ZNF362: variants seen among roughly 807,000 people sequenced by gnomAD.
The protein encoded by ZNF362 is zinc finger protein 362.
Under a neutral mutation model 42.9 loss-of-function variants are expected in ZNF362, and 11 were observed. That is an observed-to-expected ratio of 0.26 (90% confidence interval 0.16 to 0.42). The LOEUF (loss-of-function observed/expected upper bound fraction) is 0.42. Among genes scored for constraint, ZNF362 ranks in the 20% least tolerant of loss-of-function variants. ZNF362 has a pLI of 1.00. For synonymous variants in ZNF362, 255 were observed against 257.3 expected (o/e 0.99, Z 0.09); for missense variants, 362 against 576.2 (o/e 0.63, Z 3.81).
chr1:33,252,081 G>A (rs192533674), upstream of ZNF362, among the ~76,000 whole-genome samples: 206 of 152,326 alleles, frequency 1.4e-3, 1 homozygote, highest in Non-Finnish European at 2.6e-3. Context: ...GGCTGGGCGT[G>A]GTGGCTCACG....
the ZNF362 span, among the ~76,000 whole-genome samples, chr1:33,186,517 A>C: frequency 6.6e-6 from 1 of 151,210 alleles, no homozygotes; most frequent in African/African-American, 2.4e-5. Flanking sequence ...ACATAAAACA[A>C]AGTTGTGGCT....
In ZNF362 at chr1:33,295,020, G is replaced by GTGCC. The variant is rs753994368; in HGVS notation, c.987+15_987+18dup. 2.5e-6 allele frequency: 4 copies of GTGCC among 1,614,090 alleles called. No homozygotes were observed. The South Asian group carries it at 4.4e-5, about 18-fold the overall frequency. On this transcript the variant is annotated splice_donor_region_variant and intron_variant, in intron 7 of 8. Coordinates refer to ENST00000539719, the MANE Select transcript of ZNF362 (RefSeq NM_152493.3). ...ACTCAGCTCTCCAACCTCCAGGTGA[G>GTGCC]TGCCTGCCTGCCTCCTGCCCACCAG...
the ZNF362 span, among the ~76,000 whole-genome samples, chr1:33,233,406 C>CTTT: frequency 2.1e-5 from 3 of 144,508 alleles, no homozygotes; most frequent in Non-Finnish European, 3.0e-5. Flanking sequence ...CCTTCTCACA[C>CTTT]TTTTTTTTTT....
the ZNF362 span, among the ~76,000 whole-genome samples, chr1:33,228,168 C>A: frequency 1.3e-5 from 2 of 152,146 alleles, no homozygotes. Flanking sequence ...GACCCCAAAT[C>A]TGTGTGTCCA....
the ZNF362 span, among the ~76,000 whole-genome samples, chr1:33,179,287 C>T: frequency 6.6e-6 from 1 of 152,198 alleles, no homozygotes; most frequent in East Asian, 1.9e-4. Context: ...CCTTCATCCT[C>T]AGACAGCTAG....
chr1:33,146,772 C>CCTCTT, the ZNF362 span: 1 of 257,862 alleles, frequency 3.9e-6, no homozygotes, highest in South Asian at 5.1e-5. Context: ...GGCCATGGGA[C>CCTCTT]ATAAGAGGGT....
At chr1:33,130,397 TTCTCTTGC>T in the ZNF362 span, among the ~76,000 whole-genome samples, 14 of 152,252 alleles carry the variant, frequency 9.2e-5, no homozygotes, top group Non-Finnish European at 1.5e-4. Context: ...TTTGGGCACC[TTCTCTTGC>T]TCTCTTGCTC....
chr1:33,276,535 A>T lies in ZNF362; in HGVS notation c.290A>T (p.Gln97Leu). ...KLQQVPGLHP[Q>L]AVPQPDVALH... is the part of the protein sequence containing the mutation. The stretch of plus-strand genomic sequence containing the variant: ...CAGCAGGTGCCGGGGCTGCATCCAC[A>T]GGCGGTGCCGCAGCCCGACGTGGCG... Residue 97 changes from glutamine to leucine, a missense_variant, in exon 4 of 9, where the codon CAG (glutamine) becomes CTG (leucine). Physicochemically the swap from Gln to Leu is moderately radical, Grantham distance 113. This residue lies in a region of ZNF362 where 266 missense variants were observed against 365.4 expected (regional missense o/e 0.73). Transcript: ENST00000539719. The T allele has an allele frequency of 6.6e-7, 1 of 1,521,846 alleles. No homozygotes were observed. The allele number at this position is 1,521,846 out of a possible 1,614,324, so 94.3% of individuals were successfully genotyped here.
intron 6 of ZNF362, among the ~76,000 whole-genome samples, chr1:33,289,435 G>A (rs976132129): frequency 6.6e-6 from 1 of 152,104 alleles, no homozygotes; most frequent in African/African-American, 2.4e-5. Context: ...CCGTGCCGAG[G>A]CCTGGCGGAG....
At chr1:33,129,683 T>G in the ZNF362 span, among the ~76,000 whole-genome samples, 1 of 152,156 alleles carries the variant, frequency 6.6e-6, no homozygotes, top group Non-Finnish European at 1.5e-5. This position sits in a 1 kb window ranked among gnomAD's most constrained non-coding sequence, Gnocchi z 4.1. Context: ...AAAACACATT[T>G]GGTCCACACT....
the ZNF362 span, among the ~76,000 whole-genome samples, chr1:33,205,300 A>G: frequency 6.6e-5 from 10 of 152,102 alleles, no homozygotes; most frequent in Non-Finnish European, 2.9e-5. Flanking sequence ...CCTGAGCAAC[A>G]TAGTGAGACC....
At chr1:33,169,325 C>G in the ZNF362 span, among the ~76,000 whole-genome samples, 1 of 152,142 alleles carries the variant, frequency 6.6e-6, no homozygotes, top group Non-Finnish European at 1.5e-5. Flanking sequence ...TGATTCCTAC[C>G]GCCTCCAAAC....
the ZNF362 span, among the ~76,000 whole-genome samples, chr1:33,240,236 C>T: frequency 2.0e-5 from 3 of 152,190 alleles, no homozygotes; most frequent in African/African-American, 7.2e-5. Flanking sequence ...TCACCTGCTT[C>T]CTGATATGAG....
the ZNF362 span, among the ~76,000 whole-genome samples, chr1:33,235,463 G>T: frequency 1.3e-5 from 2 of 152,180 alleles, no homozygotes; most frequent in Admixed American, 1.3e-4. Flanking sequence ...GCAAACTCCA[G>T]GCTAAGCCTA....
chr1:33,149,218 T>C, the ZNF362 span, among the ~76,000 whole-genome samples: 112 of 152,214 alleles, frequency 7.4e-4, no homozygotes, highest in Non-Finnish European at 1.4e-3. Flanking sequence ...AGTGGCATGA[T>C]CTTGGCCCAC....
At chr1:33,191,580 C>T in the ZNF362 span, among the ~76,000 whole-genome samples, 1 of 152,176 alleles carries the variant, frequency 6.6e-6, no homozygotes, top group Non-Finnish European at 1.5e-5. Flanking sequence ...TCTTGGTTCA[C>T]TGCAACCACT....
chr1:33,233,934 C>T, the ZNF362 span, among the ~76,000 whole-genome samples: 5 of 152,178 alleles, frequency 3.3e-5, no homozygotes, highest in African/African-American at 1.2e-4. Flanking sequence ...ATAGTTTCCA[C>T]CTTACATGAC....
chr1:33,176,296 G>A, the ZNF362 span: 2 of 575,994 alleles, frequency 3.5e-6, no homozygotes, highest in South Asian at 4.0e-5. Flanking sequence ...GGGTAAGAGG[G>A]TGTCACCCCC....
chr1:33,283,612 G>A (rs1230466741), intron 6 of ZNF362, among the ~76,000 whole-genome samples: 1 of 152,094 alleles, frequency 6.6e-6, no homozygotes, highest in Non-Finnish European at 1.5e-5. Context: ...GAGGTGGGAG[G>A]ATCGATTGCT....
Sources: allele counts gnomAD v4.1 joint callset (sites outside exome capture counted in the v4.1 genomes callset), GRCh38; gene constraint gnomAD v4.1.1; regional missense constraint gnomAD v4.1.1; non-coding constraint Gnocchi (gnomAD v3.1); transcripts MANE v1.5; gene names NCBI Gene and HGNC (gene_info 2026-07-23, HGNC 2026-07-21).